Variants in PDE4D observed in about 807,000 individuals in gnomAD.
PDE4D encodes 3',5'-cyclic-AMP phosphodiesterase 4D.
PDE4D carries 24 observed loss-of-function variants against 87.4 expected under a neutral mutation model. The ratio of observed to expected loss-of-function variants is 0.27; its 90% confidence interval spans 0.20 to 0.39. PDE4D has a LOEUF of 0.39. Ranked by LOEUF, PDE4D falls within the 10% of genes least tolerant of loss-of-function variation. The pLI, the probability that PDE4D is intolerant of heterozygous loss-of-function variation, is 1.00. For missense variants in PDE4D, 714 were observed against 1,041.0 expected, an observed-to-expected ratio of 0.69 and a Z score of 4.32; for synonymous variants, 384 against 383.2, an observed-to-expected ratio of 1.00 and a Z score of -0.02.
At chr5:59,420,479 G>C (rs1424353900) in intron 1 of PDE4D, among the ~76,000 whole-genome samples, 1 of 152,156 alleles carries the variant, frequency 6.6e-6, no homozygotes, top group African/African-American at 2.4e-5. Flanking sequence ...GGGATTCCCA[G>C]CATCTATCAG....
intron 2 of PDE4D, among the ~76,000 whole-genome samples, chr5:60,005,778 C>G (rs773258917): frequency 6.6e-6 from 1 of 151,644 alleles, no homozygotes; most frequent in Admixed American, 6.6e-5. Flanking sequence ...AATAGAGATA[C>G]AATCAGCAAA....
intron 1 of PDE4D, among the ~76,000 whole-genome samples, chr5:59,756,931 C>T (rs946799971): frequency 2.0e-5 from 3 of 150,982 alleles, no homozygotes; most frequent in African/African-American, 4.9e-5. Context: ...CCGAGTAGCT[C>T]GGATTACAGG....
intron 1 of PDE4D, among the ~76,000 whole-genome samples, chr5:59,859,618 T>C (rs173945): frequency 0.44 from 67,424 of 152,034 alleles, 19,046 homozygotes; most frequent in African/African-American, 0.8. Context: ...ACCAACTAAA[T>C]TTTCACCAAA....
chr5:59,236,523 C>T (rs1756461823), intron 1 of PDE4D, among the ~76,000 whole-genome samples: 1 of 152,132 alleles, frequency 6.6e-6, no homozygotes, highest in African/African-American at 2.4e-5. Flanking sequence ...GATGTGTTGT[C>T]AGGTTGAGAA....
At chr5:59,796,220 A>G (rs189724716) in intron 1 of PDE4D, among the ~76,000 whole-genome samples, 1 of 152,350 alleles carries the variant, frequency 6.6e-6, no homozygotes, top group Non-Finnish European at 1.5e-5. Flanking sequence ...GAGTCACTGA[A>G]TATCGTAACT....
intron 1 of PDE4D, among the ~76,000 whole-genome samples, chr5:59,619,656 C>T (rs946863538): frequency 2.6e-5 from 4 of 152,096 alleles, no homozygotes; most frequent in Non-Finnish European, 5.9e-5. Flanking sequence ...CAAGAAACCC[C>T]AAAGAAAACT....
intron 1 of PDE4D, among the ~76,000 whole-genome samples, chr5:60,257,892 G>T (rs1490517777): frequency 6.6e-6 from 1 of 151,920 alleles, no homozygotes; most frequent in Non-Finnish European, 1.5e-5. Flanking sequence ...ATTTGCTCAA[G>T]TGAGGAGCAA....
chr5:59,769,788 A>C (rs900096080), intron 1 of PDE4D, among the ~76,000 whole-genome samples: 1 of 151,926 alleles, frequency 6.6e-6, no homozygotes, highest in African/African-American at 2.4e-5. Flanking sequence ...ATCTAGGAAT[A>C]TTTTATGTTT....
intron 2 of PDE4D, among the ~76,000 whole-genome samples, chr5:60,078,157 T>C: frequency 6.6e-6 from 1 of 152,192 alleles, no homozygotes; most frequent in East Asian, 1.9e-4. Flanking sequence ...TGCAAAATGT[T>C]TTTGCATTCT....
At chr5:59,478,669 T>G (rs1338712176) in intron 1 of PDE4D, among the ~76,000 whole-genome samples, 1 of 152,106 alleles carries the variant, frequency 6.6e-6, no homozygotes, top group Non-Finnish European at 1.5e-5. Context: ...TTTGTGTATG[T>G]GTGCATATGT....
rs1207284768 is a variant in PDE4D at position 59,285,190 on chromosome 5, T to C, written c.456-69222A>G. 8.7e-4 allele frequency among the ~76,000 whole-genome samples: 94 copies of C among 107,734 alleles called. 1 individual carries two copies. The highest frequency in any genetic ancestry group is 1.4e-3 in the Non-Finnish European group (77 of 55,132). 70.7% of individuals were successfully genotyped at this position (107,734 alleles called of 152,430 possible). On this transcript the variant is annotated intron_variant, in intron 1 of 14. Transcript: ENST00000340635. ...AACTAACCTGCACAATGTGCACATG[T>C]ACCCTAAAACTTAAAGTATAATAAA... is the stretch of plus-strand genomic sequence containing the variant.
chr5:59,607,359 A>G (rs188889695), intron 1 of PDE4D, among the ~76,000 whole-genome samples: 68 of 152,216 alleles, frequency 4.5e-4, no homozygotes, highest in African/African-American at 1.4e-3. Context: ...ATTTATTATC[A>G]GGCTGCTGCA....
chr5:59,697,338 A>AT (rs1271077791), intron 1 of PDE4D, among the ~76,000 whole-genome samples: 1 of 152,208 alleles, frequency 6.6e-6, no homozygotes, highest in East Asian at 1.9e-4. Flanking sequence ...GTTAAATGCT[A>AT]TAAAAGAGGC....
chr5:58,999,527 C>A, intron 6 of PDE4D: 1 of 1,536,536 alleles, frequency 6.5e-7, no homozygotes, highest in Non-Finnish European at 8.8e-7. Context: ...AAATAGTTTG[C>A]TTCAGGCATT....
intron 1 of PDE4D, among the ~76,000 whole-genome samples, chr5:60,417,332 G>C (rs1431003793): frequency 1.3e-5 from 2 of 152,152 alleles, no homozygotes; most frequent in African/African-American, 4.8e-5. Context: ...CTTGAGTTCA[G>C]ATCCTACACT....
At chr5:59,946,152 T>A (rs573466300) in intron 3 of PDE4D, among the ~76,000 whole-genome samples, 22 of 152,262 alleles carry the variant, frequency 1.4e-4, no homozygotes, top group Non-Finnish European at 2.9e-4. Context: ...GGGGGCAGTA[T>A]TCTGGTTTAA....
chr5:59,122,129 A>G (rs2153446632), intron 5 of PDE4D, among the ~76,000 whole-genome samples: 4 of 135,076 alleles, frequency 3.0e-5, no homozygotes, highest in African/African-American at 5.6e-5. Flanking sequence ...ATGACAGAGC[A>G]AGACTCTATC....
rs185448056 is a variant in PDE4D, at chr5:58,974,517, G to A, written c.*147C>T. Reference sequence around the variant, plus strand: ...AAAACTGGTTACGATATTCCTGAGCGCTGGACTGAGTAGTCAAGGTCAGTT... The same window carrying A: ...AAAACTGGTTACGATATTCCTGAGCACTGGACTGAGTAGTCAAGGTCAGTT... On this transcript the variant is annotated 3_prime_UTR_variant, in exon 15 of 15. Transcript: ENST00000340635. 62 of 653,690 alleles carry A rather than the reference G, an allele frequency of 9.5e-5. No individual in the cohort carries two copies. The highest frequency in any genetic ancestry group is 8.7e-4 in the African/African-American group (49 of 56,040). 40.5% of individuals were successfully genotyped at this position (653,690 alleles called of 1,614,324 possible). A position where few individuals can be genotyped will look rare whatever the true frequency, so the allele number is the denominator to read the frequency against.
intron 2 of PDE4D, among the ~76,000 whole-genome samples, chr5:60,087,566 GCAAA>G (rs544947840): frequency 5.5e-4 from 84 of 152,116 alleles, no homozygotes; most frequent in Non-Finnish European, 1.0e-3. Flanking sequence ...TTTTAAGAGA[GCAAA>G]CAAATTTTAG....
Sources: allele counts gnomAD v4.1 joint callset (sites outside exome capture counted in the v4.1 genomes callset), GRCh38; gene constraint gnomAD v4.1.1; transcripts MANE v1.5; gene names NCBI Gene and HGNC (gene_info 2026-07-23, HGNC 2026-07-21).